The following FARS2 variants were observed in gnomAD, a reference collection of about 807,000 sequenced individuals.
FARS2 encodes phenylalanyl-tRNA synthetase 2, mitochondrial.
Under a neutral mutation model 46.4 loss-of-function variants are expected in FARS2, and 40 were observed. That is an observed-to-expected ratio of 0.86 (90% CI 0.67 to 1.12). FARS2 has a LOEUF of 1.12. Ranked by LOEUF, FARS2 falls within the 50% of genes most tolerant of loss-of-function variation. The probability of loss-of-function intolerance (pLI) is 0.00; values close to 1 mark genes in which losing one functional copy is unlikely to be tolerated. For missense variants in FARS2, 513 were observed against 567.9 expected (o/e 0.90, Z 0.98); for synonymous variants, 234 against 214.9 (o/e 1.09, Z -0.78).
intron 1 of FARS2, among the ~76,000 whole-genome samples, chr6:5,289,300 G>T (rs943056491): frequency 2.6e-5 from 4 of 152,200 alleles, no homozygotes; most frequent in African/African-American, 9.7e-5. Flanking sequence ...TCAGGCACTG[G>T]TTTTGTTACT....
intron 4 of FARS2, among the ~76,000 whole-genome samples, chr6:5,506,726 C>A (rs541301177): frequency 3.9e-5 from 6 of 152,306 alleles, no homozygotes; most frequent in African/African-American, 1.2e-4. Context: ...ATAGACATGG[C>A]AACTGGTGAG....
intron 1 of FARS2, among the ~76,000 whole-genome samples, chr6:5,284,077 C>T (rs978109517): frequency 6.6e-6 from 1 of 152,226 alleles, no homozygotes; most frequent in Non-Finnish European, 1.5e-5. Context: ...ACAATTTGAT[C>T]TTTCCCAAAC....
At chr6:5,759,342 A>G (rs1327698237) in intron 6 of FARS2, among the ~76,000 whole-genome samples, 2 of 152,132 alleles carry the variant, frequency 1.3e-5, no homozygotes, top group East Asian at 1.9e-4. Flanking sequence ...CCTTCCCTCC[A>G]TAACTTTTAG....
intron 4 of FARS2, among the ~76,000 whole-genome samples, chr6:5,499,474 C>G (rs572641271): frequency 6.6e-6 from 1 of 152,326 alleles, no homozygotes; most frequent in African/African-American, 2.4e-5. Flanking sequence ...GGTTTGATTT[C>G]TGTTTTCAGA....
intron 1 of FARS2, among the ~76,000 whole-genome samples, chr6:5,274,493 T>TGA (rs1766191915): frequency 6.6e-6 from 1 of 152,084 alleles, no homozygotes; most frequent in African/African-American, 2.4e-5. Context: ...TGTCATCTTC[T>TGA]CCCCTGCTTG....
chr6:5,273,540 C>G (rs1766114317), intron 1 of FARS2, among the ~76,000 whole-genome samples: 1 of 151,610 alleles, frequency 6.6e-6, no homozygotes, highest in South Asian at 2.1e-4. Context: ...GTTGTTTGTG[C>G]TCATTATATA....
In FARS2 at chr6:5,615,619, C is replaced by A. The variant is rs1775428420; in HGVS notation, c.1217+2299C>A. On this transcript the variant is annotated intron_variant, in intron 6 of 6. Coordinates refer to ENST00000274680, the MANE Select transcript of FARS2 (RefSeq NM_006567.5). The stretch of plus-strand genomic sequence containing the variant: ...TTTCTGTGACTTTTCTGTTTCTCTG[C>A]CATTGTCCTCTTTTTTCCCTCAATT... Among the ~76,000 whole-genome samples, 5 of 152,260 alleles carry A rather than the reference C, an allele frequency of 3.3e-5. No homozygotes were observed. The South Asian group carries it at 1.0e-3, about 32-fold the overall frequency.
chr6:5,727,907 G>A lies in FARS2; in HGVS notation c.1218-43384G>A, dbSNP rs1295037958. Among the ~76,000 whole-genome samples, 1 of 152,228 alleles carries A rather than the reference G, an allele frequency of 6.6e-6. No homozygotes were observed. The highest frequency in any genetic ancestry group is 1.5e-5 in the Non-Finnish European group (1 of 68,042). The stretch of plus-strand genomic sequence containing the variant: ...AGGCAAAGGTTGAGTTGCCCGTGCA[G>A]CTGGGAGGGCCACCAGGTGAATGAC... On this transcript the variant is annotated intron_variant, in intron 6 of 6. Coordinates refer to ENST00000274680, the MANE Select transcript of FARS2 (RefSeq NM_006567.5). This position sits in a 1 kb window ranked among gnomAD's most constrained non-coding sequence, Gnocchi z 4.1.
rs551077255 is a variant in FARS2 at position 5,468,451 on chromosome 6, T to G, written c.904+37279T>G. 5.9e-5 allele frequency among the ~76,000 whole-genome samples: 9 copies of G among 152,256 alleles called. No individual in the cohort carries two copies. The East Asian group carries it at 9.6e-4, about 16-fold the overall frequency. Reference sequence around the variant, plus strand: ...TTGTATCTTATTACAATAATTGAATTCCCTTTAATATTTTCATCAAGTGCT... The same window carrying G: ...TTGTATCTTATTACAATAATTGAATGCCCTTTAATATTTTCATCAAGTGCT... On this transcript the variant is annotated intron_variant, in intron 4 of 6. Transcript: ENST00000274680.
chr6:5,670,404 T>C (rs1386949454), intron 6 of FARS2, among the ~76,000 whole-genome samples: 1 of 152,236 alleles, frequency 6.6e-6, no homozygotes, highest in Non-Finnish European at 1.5e-5. Context: ...AACTTTTGTG[T>C]CCCCTACTAA....
At chr6:5,296,183 CT>C (rs1336191315) in intron 1 of FARS2, among the ~76,000 whole-genome samples, 1 of 110,390 alleles carries the variant, frequency 9.1e-6, no homozygotes, top group African/African-American at 3.6e-5. Context: ...GCTCTGTCGC[CT>C]GGGCTGGAGT....
intron 6 of FARS2, among the ~76,000 whole-genome samples, chr6:5,736,659 C>A (rs1425230848): frequency 6.6e-6 from 1 of 151,980 alleles, no homozygotes; most frequent in Non-Finnish European, 1.5e-5. Flanking sequence ...TCCAGCTTAA[C>A]CTTAAGGGAT....
chr6:5,759,162 A>C lies in FARS2; in HGVS notation c.1218-12129A>C, dbSNP rs1227889210. Among the ~76,000 whole-genome samples, 4 of 152,156 alleles carry C rather than the reference A, an allele frequency of 2.6e-5. No individual in the cohort carries two copies. The East Asian group carries it at 5.8e-4, about 22-fold the overall frequency. ...GAATGGGAATTTAAACTCAGATCAC[A>C]GGGCCTTGATATGTGCCATCCCCTC... is the stretch of plus-strand genomic sequence containing the variant. On this transcript the variant is annotated intron_variant, in intron 6 of 6. Coordinates refer to ENST00000274680, the MANE Select transcript of FARS2 (RefSeq NM_006567.5).
At chr6:5,586,237 C>T (rs1210156405) in intron 5 of FARS2, among the ~76,000 whole-genome samples, 20 of 152,212 alleles carry the variant, frequency 1.3e-4, no homozygotes, top group Non-Finnish European at 1.2e-4. Context: ...CTGGCTAGCA[C>T]CTCTAGTATT....
At chr6:5,717,385 G>GTGTGTGTGTGTCTA (rs776468933) in intron 6 of FARS2, among the ~76,000 whole-genome samples, 1 of 150,476 alleles carries the variant, frequency 6.6e-6, no homozygotes, top group Non-Finnish European at 1.5e-5. Context: ...GTGTGTGTGT[G>GTGTGTGTGTGTCTA]TGTGTCTATG....
intron 2 of FARS2, among the ~76,000 whole-genome samples, chr6:5,397,929 A>G (rs1383261868): frequency 6.6e-6 from 1 of 152,134 alleles, no homozygotes; most frequent in African/African-American, 2.4e-5. Context: ...ATGTTTCTCA[A>G]CTTGACATGA....
chr6:5,362,927 CTTTTTTT>C (rs55686418), intron 1 of FARS2, among the ~76,000 whole-genome samples: 3,209 of 124,202 alleles, frequency 0.026, 62 homozygotes, highest in Non-Finnish European at 0.032. Flanking sequence ...TTCTTTCTTT[CTTTTTTT>C]TTTTTTTTTT....
chr6:5,377,558 G>A (rs1188287205), intron 2 of FARS2, among the ~76,000 whole-genome samples: 1 of 151,948 alleles, frequency 6.6e-6, no homozygotes, highest in Non-Finnish European at 1.5e-5. Flanking sequence ...AATTCTAAAT[G>A]CCTCTTGTTT....
chr6:5,329,151 G>A (rs1009779760), intron 1 of FARS2, among the ~76,000 whole-genome samples: 1 of 151,826 alleles, frequency 6.6e-6, no homozygotes, highest in African/African-American at 2.4e-5. Context: ...AAGAAACTGT[G>A]GCTACCAACC....
Sources: allele counts gnomAD v4.1 joint callset (sites outside exome capture counted in the v4.1 genomes callset), GRCh38; gene constraint gnomAD v4.1.1; non-coding constraint Gnocchi (gnomAD v3.1); transcripts MANE v1.5; gene names NCBI Gene and HGNC (gene_info 2026-07-23, HGNC 2026-07-21).